Variants in ENPP3 observed in about 807,000 individuals in gnomAD.
ENPP3 encodes the protein ectonucleotide pyrophosphatase/phosphodiesterase family member 3.
Under a neutral mutation model 117.8 loss-of-function variants are expected in ENPP3, and 104 were observed. That is an observed-to-expected ratio of 0.88 (90% CI 0.75 to 1.04). ENPP3 has a LOEUF of 1.04. ENPP3 is among the 50% of genes least tolerant of loss of function. The probability of loss-of-function intolerance (pLI) is 0.00; values close to 1 mark genes in which losing one functional copy is unlikely to be tolerated. For synonymous variants in ENPP3, 380 were observed against 349.9 expected (o/e 1.09, Z -0.96); for missense variants, 1,026 against 1,051.9 (o/e 0.98, Z 0.34).
At chr6:131,675,918 G>A (rs1310619549) in intron 9 of ENPP3, among the ~76,000 whole-genome samples, 4 of 152,030 alleles carry the variant, frequency 2.6e-5, no homozygotes, top group Non-Finnish European at 5.9e-5. Flanking sequence ...AACTTCAATG[G>A]CCCCCTGTGT....
chr6:131,675,231 T>G (rs1484096353), intron 9 of ENPP3, 42 bp downstream of exon 9: 2 of 1,214,928 alleles, frequency 1.6e-6, no homozygotes, highest in Non-Finnish European at 2.4e-6. Flanking sequence ...TAGGCAGAAA[T>G]GATCAAGATG....
intron 19 of ENPP3, among the ~76,000 whole-genome samples, chr6:131,725,811 T>C (rs1780142286): frequency 6.6e-6 from 1 of 152,106 alleles, no homozygotes; most frequent in Non-Finnish European, 1.5e-5. Flanking sequence ...TAAACCTTAG[T>C]TTTATAATCT....
chr6:131,718,567 A>T (rs1384460897), intron 15 of ENPP3, 105 bp from the exon 16 acceptor site: 2 of 496,854 alleles, frequency 4.0e-6, no homozygotes, highest in African/African-American at 4.0e-5. Context: ...TGATAAAAAA[A>T]TTTACTTATA....
At chr6:131,640,141 T>G (rs1456167591) in intron 1 of ENPP3, among the ~76,000 whole-genome samples, 1 of 152,212 alleles carries the variant, frequency 6.6e-6, no homozygotes, top group Admixed American at 6.5e-5. Flanking sequence ...TTGTTGATTT[T>G]TCTAGCAAGT....
At chr6:131,685,986 G>A (rs1779146245) in intron 14 of ENPP3, 79 bp downstream of exon 14, 3 of 520,858 alleles carry the variant, frequency 5.8e-6, no homozygotes, top group Non-Finnish European at 1.1e-5. Flanking sequence ...AATTCATATT[G>A]TATATTTCTA....
intron 15 of ENPP3, 101 bp downstream of exon 15, chr6:131,693,725 C>T: frequency 2.5e-6 from 3 of 1,216,054 alleles, no homozygotes; most frequent in Non-Finnish European, 3.5e-6. Context: ...TGTGAATTTT[C>T]CTGAGCATTG....
intron 5 of ENPP3, among the ~76,000 whole-genome samples, chr6:131,656,642 C>T (rs1205916073): frequency 2.0e-5 from 3 of 151,998 alleles, no homozygotes; most frequent in Non-Finnish European, 4.4e-5. Flanking sequence ...TGGCAGGTGC[C>T]TGTAGTCCCA....
chr6:131,670,491 T>G (rs1778716241), intron 6 of ENPP3, among the ~76,000 whole-genome samples: 1 of 152,100 alleles, frequency 6.6e-6, no homozygotes, highest in Admixed American at 6.6e-5. Flanking sequence ...AATTATTTAT[T>G]TATTTATTTA....
In ENPP3 at chr6:131,658,408, A is replaced by G. The variant is rs1311304580; in HGVS notation, c.550A>G (p.Ile184Val). The G allele has an allele frequency of 1.3e-6, 2 of 1,534,384 alleles. No individual in the cohort carries two copies. Among genetic ancestry groups the G allele is most frequent in the Admixed American group, 1.7e-5 (1 of 59,870 alleles). The change falls in exon 6 of 25, where the codon ATC becomes GTC. Residue 184 changes from isoleucine (I) to valine (V), a missense_variant. Coordinates refer to ENST00000357639, the MANE Select transcript of ENPP3 (RefSeq NM_005021.5). ...CACATGGGATACTTTAATGCCAAAT[A>G]TCAATAAACTGAGTAAGTCTTCTGT... ...LYTWDTLMPN[I>V]NKLKTCGIHS...
intron 1 of ENPP3, among the ~76,000 whole-genome samples, chr6:131,639,576 G>C (rs1778000805): frequency 6.6e-6 from 1 of 151,868 alleles, no homozygotes; most frequent in African/African-American, 2.4e-5. Flanking sequence ...TTAAATCATT[G>C]TTTCAAAAGT....
At chr6:131,676,834 G>A (rs781724683) in intron 10 of ENPP3, 33 bp downstream of exon 10, 3 of 1,415,360 alleles carry the variant, frequency 2.1e-6, no homozygotes, top group Non-Finnish European at 3.0e-6. Flanking sequence ...TGCTGGCATA[G>A]TGGCATATAT....
At chr6:131,744,793 G>A (rs1476073266) in intron 24 of ENPP3, among the ~76,000 whole-genome samples, 2 of 144,990 alleles carry the variant, frequency 1.4e-5, no homozygotes, top group African/African-American at 5.4e-5. Context: ...TTCTGTAACA[G>A]GTCATTTATA....
intron 19 of ENPP3, among the ~76,000 whole-genome samples, chr6:131,725,463 T>C (rs73777794): frequency 0.01 from 1,590 of 152,178 alleles, 21 homozygotes; most frequent in African/African-American, 0.033. Flanking sequence ...AGGGTGTCTT[T>C]GATGAAAGCC....
intron 6 of ENPP3, 77 bp from the exon 7 acceptor site, chr6:131,671,171 T>G (rs573889222): frequency 1.2e-6 from 1 of 832,310 alleles, no homozygotes; most frequent in African/African-American, 1.7e-5. Context: ...CTGAGAGACT[T>G]TCATGTTCAG....
intron 14 of ENPP3, among the ~76,000 whole-genome samples, chr6:131,686,337 C>T (rs551766225): frequency 4.5e-4 from 68 of 152,088 alleles, no homozygotes; most frequent in Non-Finnish European, 8.4e-4. Context: ...CGATTGGTTC[C>T]CACATCCCAA....
At chr6:131,721,331 G>T (rs1050322727) in intron 17 of ENPP3, among the ~76,000 whole-genome samples, 1 of 152,188 alleles carries the variant, frequency 6.6e-6, no homozygotes, top group Non-Finnish European at 1.5e-5. Flanking sequence ...ATGTGACTTA[G>T]AGACCAAAAG....
intron 14 of ENPP3, among the ~76,000 whole-genome samples, chr6:131,688,146 TG>T (rs1355833420): frequency 1.3e-5 from 2 of 152,200 alleles, no homozygotes; most frequent in African/African-American, 4.8e-5. Context: ...TTACCTTTGA[TG>T]TTACTATTGT....
At chr6:131,664,625 C>A (rs1778578037) in intron 6 of ENPP3, among the ~76,000 whole-genome samples, 1 of 152,170 alleles carries the variant, frequency 6.6e-6, no homozygotes, top group African/African-American at 2.4e-5. Context: ...AGAGCAACTT[C>A]CAGGCTTGCA....
chr6:131,738,068 A>C lies in ENPP3; in HGVS notation c.2205A>C (p.Lys735Asn), dbSNP rs140788775. Residue 735 changes from lysine (K) to asparagine (N), a missense_variant, in exon 23 of 25, where the codon AAA becomes AAC. Transcript: ENST00000357639. ...WDYFHSVLLI[K>N]HATERNGVNV... ...ACTTCCACAGTGTTCTTCTTATAAA[A>C]CATGCCACAGAAAGAAATGGAGTAA... 6.0e-5 allele frequency: 96 copies of C among 1,606,892 alleles called. 2 individuals are homozygous for C. Among genetic ancestry groups the C allele is most frequent in the Non-Finnish European group, 7.7e-5 (91 of 1,175,062 alleles).
Sources: allele counts gnomAD v4.1 joint callset (sites outside exome capture counted in the v4.1 genomes callset), GRCh38; gene constraint gnomAD v4.1.1; transcripts MANE v1.5; gene names NCBI Gene and HGNC (gene_info 2026-07-23, HGNC 2026-07-21).